C9orf85: variants seen among roughly 807,000 people sequenced by gnomAD.
C9orf85 encodes the protein uncharacterized protein C9orf85.
In C9orf85, 16 loss-of-function variants were observed where a neutral mutation model predicts 14.9. That is an observed-to-expected ratio of 1.08 (90% CI 0.73 to 1.63). The LOEUF (loss-of-function observed/expected upper bound fraction) is 1.63, where lower values mean the gene tolerates loss of function less well. Among genes scored for constraint, C9orf85 ranks in the 40% most tolerant of loss-of-function variants. C9orf85 has a pLI of 0.00. For missense variants in C9orf85, 172 were observed against 186.1 expected, an observed-to-expected ratio of 0.92 and a Z score of 0.44; for synonymous variants, 45 against 56.8, an observed-to-expected ratio of 0.79 and a Z score of 0.93.
At chr9:71,971,690 C>A in intron 3 of C9orf85, 72 bp downstream of exon 3, 2 of 1,091,164 alleles carry the variant, frequency 1.8e-6, no homozygotes, top group Admixed American at 1.8e-5. Context: ...AGAGATGATC[C>A]TTGCTAGGCG....
At chr9:71,951,231 CTAACTTAAGT>C (rs796522739) in intron 2 of C9orf85, among the ~76,000 whole-genome samples, 5 of 152,206 alleles carry the variant, frequency 3.3e-5, no homozygotes, top group African/African-American at 1.2e-4. Context: ...AATAAATGTC[CTAACTTAAGT>C]TGGAAGAGAG....
intron 1 of C9orf85, among the ~76,000 whole-genome samples, chr9:71,930,745 C>A (rs1447338761): frequency 7.3e-6 from 1 of 137,818 alleles, no homozygotes; most frequent in African/African-American, 2.8e-5. Flanking sequence ...GTGGAGGCTA[C>A]AGTGAGCCGT....
chr9:71,930,792 A>G (rs1424600648), intron 1 of C9orf85, among the ~76,000 whole-genome samples: 2 of 147,394 alleles, frequency 1.4e-5, no homozygotes, highest in Non-Finnish European at 3.0e-5. Flanking sequence ...TGACAGAGCA[A>G]GACCCTGTCT....
At chr9:71,975,535 A>G (rs1822983750), downstream of C9orf85, among the ~76,000 whole-genome samples, 1 of 151,732 alleles carries the variant, frequency 6.6e-6, no homozygotes, top group Admixed American at 6.6e-5. Flanking sequence ...GCCTGACTGA[A>G]AGAAATGTTC....
At chr9:71,929,639 C>T (rs983552905) in intron 1 of C9orf85, among the ~76,000 whole-genome samples, 1 of 151,966 alleles carries the variant, frequency 6.6e-6, no homozygotes, top group Non-Finnish European at 1.5e-5. Context: ...AATTTTGTGA[C>T]TTTTAAATAA....
At chr9:71,958,398 G>A (rs1822432771) in intron 2 of C9orf85, among the ~76,000 whole-genome samples, 1 of 151,464 alleles carries the variant, frequency 6.6e-6, no homozygotes, top group Non-Finnish European at 1.5e-5. Flanking sequence ...GAGTAGCTGG[G>A]AATGCAGGCA....
intron 2 of C9orf85, among the ~76,000 whole-genome samples, chr9:71,960,562 C>T (rs184808952): frequency 3.4e-4 from 51 of 152,170 alleles, no homozygotes; most frequent in Non-Finnish European, 6.9e-4. Flanking sequence ...TTACATTTTA[C>T]AGGTCTTTTT....
At chr9:71,985,341 A>T (rs1823190666), downstream of C9orf85, 1 of 152,214 alleles carries the variant, frequency 6.6e-6, no homozygotes, top group Non-Finnish European at 1.5e-5. Context: ...AATTGCTTCA[A>T]CTGTCTGGCC....
intron 3 of C9orf85, among the ~76,000 whole-genome samples, chr9:71,982,197 G>T (rs1438602734): frequency 2.0e-5 from 3 of 151,576 alleles, no homozygotes; most frequent in Non-Finnish European, 4.4e-5. Context: ...CATTTTTGAG[G>T]TAGAGCCATG....
At chr9:71,924,512 G>A (rs1292012871) in intron 1 of C9orf85, among the ~76,000 whole-genome samples, 1 of 152,108 alleles carries the variant, frequency 6.6e-6, no homozygotes, top group Non-Finnish European at 1.5e-5. Flanking sequence ...TCAAATGATG[G>A]TCCATCAGCA....
chr9:71,975,668 A>C (rs1240677895), downstream of C9orf85, among the ~76,000 whole-genome samples: 6 of 152,048 alleles, frequency 3.9e-5, no homozygotes. Flanking sequence ...CCCCATCTCT[A>C]CTAAAAACAC....
chr9:71,972,854 T>G lies in C9orf85; in HGVS notation c.*12T>G. On this transcript the variant is annotated 3_prime_UTR_variant, in exon 4 of 4. Transcript: ENST00000334731. ...ATCAAATGAATTAATATCACTGTATTAAAAGTCTGCCGGGCACAGTGGCTC... is the reference window on the plus strand; with the variant it reads ...ATCAAATGAATTAATATCACTGTATGAAAAGTCTGCCGGGCACAGTGGCTC... The G allele has an allele frequency of 6.3e-7, 1 of 1,594,084 alleles. No individual in the cohort carries two copies. Among genetic ancestry groups the G allele is most frequent in the Non-Finnish European group, 8.5e-7 (1 of 1,169,770 alleles).
intron 2 of C9orf85, among the ~76,000 whole-genome samples, chr9:71,963,889 A>C (rs2132342885): frequency 6.6e-6 from 1 of 152,238 alleles, no homozygotes; most frequent in South Asian, 2.1e-4. Flanking sequence ...CACGGAGCCC[A>C]GTCCCATCAA....
chr9:71,948,104 TC>T (rs1326114620), intron 2 of C9orf85, among the ~76,000 whole-genome samples: 1 of 152,218 alleles, frequency 6.6e-6, no homozygotes, highest in Non-Finnish European at 1.5e-5. Flanking sequence ...TTAGCATTGT[TC>T]CTTTTACATT....
chr9:71,936,048 T>TA (rs1208840657), intron 1 of C9orf85, among the ~76,000 whole-genome samples: 1 of 151,836 alleles, frequency 6.6e-6, no homozygotes, highest in African/African-American at 2.4e-5. Flanking sequence ...GAGGAAGAAG[T>TA]AAAAAAAGTG....
intron 1 of C9orf85, among the ~76,000 whole-genome samples, chr9:71,935,721 C>T (rs180986804): frequency 4.0e-4 from 61 of 151,796 alleles, no homozygotes; most frequent in Admixed American, 3.0e-3. Flanking sequence ...GTGGAATGAT[C>T]GTTGCCAGGG....
Position 71,972,819 on chromosome 9 carries a change from G to A in C9orf85, c.451G>A (p.Gly151Arg), listed in dbSNP as rs779601263. The change falls in exon 4 of 4, where the codon GGA (glycine) becomes AGA (arginine). Residue 151 changes from glycine to arginine, a missense_variant. Physicochemically the swap from Gly to Arg is moderately radical, Grantham distance 125. Transcript: ENST00000334731. ...LDFDIDLEDT[G>R]GDHQMN The stretch of plus-strand genomic sequence containing the variant: ...TTTTGATATTGATTTAGAAGACACA[G>A]GAGGAGACCATCAAATGAATTAATA... 2 of 1,608,890 alleles carry A rather than the reference G, an allele frequency of 1.2e-6. No homozygotes were observed. The highest frequency in any genetic ancestry group is 8.5e-7 in the Non-Finnish European group (1 of 1,178,218).
At chr9:71,958,885 GATATT>G (rs952014542) in intron 2 of C9orf85, among the ~76,000 whole-genome samples, 5 of 152,040 alleles carry the variant, frequency 3.3e-5, no homozygotes, top group Non-Finnish European at 2.9e-5. Context: ...ATAACCTCAA[GATATT>G]ATATAAGTTT....
Position 71,973,388 on chromosome 9 carries a change from T to C in C9orf85, c.*546T>C, listed in dbSNP as rs1375851795. 1.3e-5 allele frequency: 2 copies of C among 152,278 alleles called. No individual in the cohort carries two copies. Among genetic ancestry groups the C allele is most frequent in the East Asian group, 3.9e-4 (2 of 5,182 alleles). The allele number at this position is 152,278 out of a possible 1,614,324, so 9.4% of individuals were successfully genotyped here. On this transcript the variant is annotated 3_prime_UTR_variant, in exon 4 of 4. Transcript: ENST00000334731. The stretch of plus-strand genomic sequence containing the variant: ...GTAAAAATAAAATAACATTATTACA[T>C]TGCCTCAAAAATTGGTCCTCGGTAA...
Sources: allele counts gnomAD v4.1 joint callset (sites outside exome capture counted in the v4.1 genomes callset), GRCh38; gene constraint gnomAD v4.1.1; transcripts MANE v1.5; gene names NCBI Gene and HGNC (gene_info 2026-07-23, HGNC 2026-07-21).